The following EPDR1 variants were observed in gnomAD, a reference collection of about 807,000 sequenced individuals.
EPDR1 encodes the protein mammalian ependymin-related protein 1.
A neutral mutation model predicts 23.7 loss-of-function variants in EPDR1; 27 were observed. That is an observed-to-expected ratio of 1.14 (90% confidence interval 0.84 to 1.57). The LOEUF is 1.57. Among genes scored for constraint, EPDR1 ranks in the 40% most tolerant of loss-of-function variants. The pLI is 0.00. For missense variants in EPDR1, 349 were observed against 290.4 expected (o/e 1.20, Z -1.47); for synonymous variants, 137 against 118.2 (o/e 1.16, Z -1.03).
At chr7:37,947,729 T>C (rs1384633254) in intron 1 of EPDR1, among the ~76,000 whole-genome samples, 1 of 152,204 alleles carries the variant, frequency 6.6e-6, no homozygotes, top group Middle Eastern at 3.2e-3. Context: ...GAGTTTTAGA[T>C]TGACAGTGAA....
Position 37,950,463 on chromosome 7 carries a change from G to A in EPDR1, c.*67G>A. ...TGCGGCCCCAGCTGGAGATGGATAT[G>A]AGACTAGTCAAGATGTGAATGCTAA... On this transcript the variant is annotated 3_prime_UTR_variant, in exon 3 of 3. Transcript: ENST00000199448. The A allele has an allele frequency of 3.6e-6, 5 of 1,372,288 alleles. No homozygotes were observed. The highest frequency in any genetic ancestry group is 5.0e-6 in the Non-Finnish European group (5 of 1,008,512). The allele number at this position is 1,372,288 out of a possible 1,614,324, so 85.0% of individuals were successfully genotyped here. A position where few individuals can be genotyped will look rare whatever the true frequency, so the allele number is the denominator to read the frequency against.
intron 1 of EPDR1, among the ~76,000 whole-genome samples, chr7:37,935,160 A>G (rs931187942): frequency 6.6e-6 from 1 of 152,136 alleles, no homozygotes; most frequent in Non-Finnish European, 1.5e-5. Context: ...CAGGGCTCCA[A>G]TCTTCCATGG....
chr7:37,949,087 C>A, intron 2 of EPDR1, 39 bp downstream of exon 2: 1 of 1,574,170 alleles, frequency 6.4e-7, no homozygotes, highest in Non-Finnish European at 8.7e-7. Flanking sequence ...ATTCAGCATG[C>A]ATGATGGGGA....
At chr7:37,933,444 G>A (rs1583665629) in intron 1 of EPDR1, among the ~76,000 whole-genome samples, 1 of 152,356 alleles carries the variant, frequency 6.6e-6, no homozygotes, top group Middle Eastern at 3.4e-3. Flanking sequence ...GAGTTAGAAT[G>A]AGTCTGGTTG....
Position 37,920,766 on chromosome 7 carries a change from C to T in EPDR1, c.-174C>T, listed in dbSNP as rs1785674367. On this transcript the variant is annotated 5_prime_UTR_variant, in exon 1 of 3. Coordinates refer to ENST00000199448, the MANE Select transcript of EPDR1 (RefSeq NM_017549.5). ...GGCCCTGGTCCCGGCTACCGGGACTCGCGCGTCCGGATCTCAAAAGCGGCA... is the reference window on the plus strand; with the variant it reads ...GGCCCTGGTCCCGGCTACCGGGACTTGCGCGTCCGGATCTCAAAAGCGGCA... 5 of 1,609,546 alleles carry T rather than the reference C, an allele frequency of 3.1e-6. No individual in the cohort carries two copies. The East Asian group carries it at 1.1e-4, about 36-fold the overall frequency.
intron 2 of EPDR1, 98 bp from the exon 3 acceptor site, chr7:37,950,102 G>C: frequency 1.1e-6 from 1 of 878,636 alleles, no homozygotes; most frequent in East Asian, 2.6e-5. Flanking sequence ...ATGGTAAAAT[G>C]GTAAATTTTA....
At chr7:37,930,462 T>C (rs1785913161) in intron 1 of EPDR1, among the ~76,000 whole-genome samples, 1 of 152,226 alleles carries the variant, frequency 6.6e-6, no homozygotes, top group Admixed American at 6.5e-5. Context: ...AGACTTCATA[T>C]CCATTGGAAA....
At chr7:37,947,564 G>A (rs534368675) in intron 1 of EPDR1, among the ~76,000 whole-genome samples, 8 of 152,326 alleles carry the variant, frequency 5.3e-5, no homozygotes, top group African/African-American at 1.9e-4. Flanking sequence ...CTCCTCTAGT[G>A]CATTGGGTCT....
intron 1 of EPDR1, among the ~76,000 whole-genome samples, chr7:37,927,375 GT>G (rs139567755): frequency 0.26 from 39,511 of 150,726 alleles, 6,231 homozygotes; most frequent in Non-Finnish European, 0.37. Context: ...GTTCATTCTA[GT>G]TTTTTTTTTC....
rs551546045 is a variant in EPDR1 at position 37,925,364 on chromosome 7, G to T, written c.269+4156G>T. On this transcript the variant is annotated intron_variant, in intron 1 of 2. Transcript: ENST00000199448. ...GAGCAGAGAGGCAGTAAAACAATAT[G>T]CACAGTCTGGTATCTTGGAATATTA... Among the ~76,000 whole-genome samples, 20 of 152,272 alleles carry T rather than the reference G, an allele frequency of 1.3e-4. 1 individual carries two copies. In the East Asian group the frequency reaches 3.9e-3, roughly 29 times the overall value.
chr7:37,941,515 T>A (rs1008953750), intron 1 of EPDR1, among the ~76,000 whole-genome samples: 33 of 152,230 alleles, frequency 2.2e-4, no homozygotes, highest in African/African-American at 7.7e-4. Context: ...ATCTTGGAAC[T>A]CAAATCGAAA....
In EPDR1 at chr7:37,951,628, T is replaced by A. The variant is rs1057459638; in HGVS notation, c.*1232T>A. 16 of 152,252 alleles carry A rather than the reference T, an allele frequency of 1.1e-4. No individual in the cohort carries two copies. The highest frequency in any genetic ancestry group is 3.1e-4 in the African/African-American group (13 of 41,458). The allele number at this position is 152,252 out of a possible 1,614,324, so 9.4% of individuals were successfully genotyped here. On this transcript the variant is annotated 3_prime_UTR_variant, in exon 3 of 3. Coordinates refer to ENST00000199448, the MANE Select transcript of EPDR1 (RefSeq NM_017549.5). The stretch of plus-strand genomic sequence containing the variant: ...GCCTCTCTTGTCCCTGGTTTCCTTA[T>A]GTGTTGAATGTGGTTGAGTTTGTCC...
chr7:37,931,429 G>A (rs141502246), intron 1 of EPDR1, among the ~76,000 whole-genome samples: 149 of 152,132 alleles, frequency 9.8e-4, no homozygotes, highest in African/African-American at 3.3e-3. Context: ...CAGGAGAATT[G>A]CTGGAACCTG....
intron 1 of EPDR1, among the ~76,000 whole-genome samples, chr7:37,935,349 G>C (rs1045955453): frequency 8.5e-5 from 13 of 152,190 alleles, no homozygotes; most frequent in African/African-American, 3.1e-4. Flanking sequence ...TTACGTAGTA[G>C]AGCAATTCAT....
intron 1 of EPDR1, among the ~76,000 whole-genome samples, chr7:37,937,496 T>C (rs1260524177): frequency 6.6e-6 from 1 of 151,850 alleles, no homozygotes; most frequent in Admixed American, 6.6e-5. Context: ...CTATAGAAAA[T>C]AGAGAAGAGA....
At chr7:37,931,316 C>T (rs1317119871) in intron 1 of EPDR1, among the ~76,000 whole-genome samples, 1 of 152,044 alleles carries the variant, frequency 6.6e-6, no homozygotes, top group African/African-American at 2.4e-5. Flanking sequence ...GAGTTTGAGA[C>T]CAGCCTGGCC....
At chr7:37,927,409 C>T (rs1187634239) in intron 1 of EPDR1, among the ~76,000 whole-genome samples, 2 of 151,950 alleles carry the variant, frequency 1.3e-5, no homozygotes, top group African/African-American at 4.8e-5. Flanking sequence ...CTACTCCCTT[C>T]TCAGCCAGTG....
intron 1 of EPDR1, among the ~76,000 whole-genome samples, chr7:37,928,143 C>T (rs759997961): frequency 7.2e-5 from 11 of 152,140 alleles, no homozygotes; most frequent in East Asian, 3.8e-4. Flanking sequence ...GACAAATTTA[C>T]GAATGGAAGC....
chr7:37,927,929 A>G lies in EPDR1; in HGVS notation c.269+6721A>G, dbSNP rs1180721359. On this transcript the variant is annotated intron_variant, in intron 1 of 2. Transcript: ENST00000199448. ...AAACCATACTGATTTGCAATACTTG[A>G]GTTTCGCAATATTTGAGTTTTTCTT... Among the ~76,000 whole-genome samples the G allele has an allele frequency of 2.0e-5, 3 of 152,094 alleles. No individual in the cohort carries two copies. The East Asian group carries it at 5.8e-4, about 29-fold the overall frequency.
Sources: gnomAD v4.1 joint callset for allele counts (sites outside exome capture counted in the v4.1 genomes callset) on GRCh38, gnomAD v4.1.1 for gene constraint, MANE v1.5 for transcripts, NCBI Gene and HGNC (gene_info 2026-07-23, HGNC 2026-07-21) for gene names.